CCR3: variants seen among roughly 807,000 people sequenced by gnomAD.
The protein encoded by CCR3 is C-C chemokine receptor type 3.
For missense variants in CCR3, 419 were observed against 437.5 expected (o/e 0.96, Z 0.38); for synonymous variants, 203 against 179.2 (o/e 1.13, Z -1.06).
intron 1 of CCR3, chr3:46,264,710 C>T: frequency 2.3e-6 from 1 of 437,046 alleles, no homozygotes; most frequent in East Asian, 4.6e-5. Context: ...TATTATTATA[C>T]ATATTTTGCT....
At chr3:46,232,238 A>G (rs1699972898) in intron 2 of CCR3, among the ~76,000 whole-genome samples, 1 of 152,240 alleles carries the variant, frequency 6.6e-6, no homozygotes, top group Admixed American at 6.5e-5. Flanking sequence ...AATGCCCTGA[A>G]GGAATATGTT....
chr3:46,219,502 C>A (rs1699811149), intron 2 of CCR3, among the ~76,000 whole-genome samples: 1 of 151,990 alleles, frequency 6.6e-6, no homozygotes, highest in Admixed American at 6.6e-5. Flanking sequence ...TCATATGGAA[C>A]CAAAAAAGAG....
At chr3:46,262,528 A>C (rs146726096) in intron 1 of CCR3, among the ~76,000 whole-genome samples, 1 of 152,226 alleles carries the variant, frequency 6.6e-6, no homozygotes, top group African/African-American at 2.4e-5. Context: ...TCCAAAATGT[A>C]AAAGGCCATT....
rs139933770 is a variant in CCR3 at position 46,258,291 on chromosome 3, G to A, written c.-11-6857G>A. Among the ~76,000 whole-genome samples, 788 of 152,296 alleles carry A rather than the reference G, an allele frequency of 5.2e-3. 6 individuals are homozygous for A. The highest frequency in any genetic ancestry group is 0.041 in the Middle Eastern group (12 of 294). On this transcript the variant is annotated intron_variant, in intron 1 of 1. Coordinates refer to ENST00000395940, the MANE Select transcript of CCR3 (RefSeq NM_178329.3). ...AATTTCCAAATAAAGATAATAGCAA[G>A]TAATAGTTCTTCTTAACACGATGCA...
At chr3:46,229,701 T>C (rs994104229) in intron 2 of CCR3, among the ~76,000 whole-genome samples, 3 of 152,186 alleles carry the variant, frequency 2.0e-5, no homozygotes, top group African/African-American at 7.2e-5. Context: ...GGACATTAAA[T>C]TGATGTAGTT....
intron 1 of CCR3, among the ~76,000 whole-genome samples, chr3:46,255,940 A>G (rs1468857568): frequency 2.0e-5 from 3 of 151,914 alleles, no homozygotes; most frequent in Admixed American, 1.3e-4. Context: ...GTGAAGAATA[A>G]TGGTGGTATT....
chr3:46,228,161 CT>C (rs35861033), intron 2 of CCR3, among the ~76,000 whole-genome samples: 9,118 of 145,838 alleles, frequency 0.063, 438 homozygotes, highest in South Asian at 0.25. Context: ...AGTTTGTGGT[CT>C]TTTTTTTTTT....
At chr3:46,259,117 T>G (rs1326464159) in intron 1 of CCR3, among the ~76,000 whole-genome samples, 2 of 152,240 alleles carry the variant, frequency 1.3e-5, no homozygotes, top group African/African-American at 4.8e-5. Context: ...GATGTTCATA[T>G]ACAAGCTGTT....
chr3:46,248,860 C>T (rs1700251370), intron 1 of CCR3, among the ~76,000 whole-genome samples: 1 of 152,042 alleles, frequency 6.6e-6, no homozygotes, highest in Non-Finnish European at 1.5e-5. Flanking sequence ...GGGTTTGGCC[C>T]CACGGGGTGG....
At chr3:46,211,471 G>T (rs1202828328) in intron 2 of CCR3, among the ~76,000 whole-genome samples, 1 of 151,754 alleles carries the variant, frequency 6.6e-6, no homozygotes, top group Non-Finnish European at 1.5e-5. Flanking sequence ...TGACCCTCTT[G>T]CCCCAGCCTC....
At chr3:46,258,967 A>G (rs546243998) in intron 1 of CCR3, among the ~76,000 whole-genome samples, 1 of 152,330 alleles carries the variant, frequency 6.6e-6, no homozygotes, top group East Asian at 1.9e-4. Context: ...TTCCTGATTC[A>G]ATGACATAGA....
At chr3:46,243,002 T>TATATATATATATATATATATACAC (rs56773457) in intron 1 of CCR3, among the ~76,000 whole-genome samples, 3 of 123,738 alleles carry the variant, frequency 2.4e-5, no homozygotes, top group African/African-American at 6.5e-5. Flanking sequence ...TATATATATA[T>TATATATATATATATATATATACAC]ACGCACACAC....
intron 2 of CCR3, among the ~76,000 whole-genome samples, chr3:46,220,460 A>G (rs1430771439): frequency 6.6e-6 from 1 of 152,248 alleles, no homozygotes; most frequent in Non-Finnish European, 1.5e-5. Flanking sequence ...TTAAAGAACC[A>G]AAAGTAGAAC....
At chr3:46,244,632 C>T (rs1700157940) in intron 1 of CCR3, among the ~76,000 whole-genome samples, 1 of 152,188 alleles carries the variant, frequency 6.6e-6, no homozygotes, top group African/African-American at 2.4e-5. Flanking sequence ...GGGACTTTCA[C>T]AAGGTAATGT....
Position 46,265,729 on chromosome 3 carries a change from A to G in CCR3, c.571A>G (p.Thr191Ala). The G allele has an allele frequency of 6.2e-7, 1 of 1,613,920 alleles. No individual in the cohort carries two copies. The highest frequency in any genetic ancestry group is 1.1e-5 in the South Asian group (1 of 91,070). Residue 191 changes from threonine to alanine, a missense_variant, in exon 2 of 2, where the codon ACA (threonine) becomes GCA (alanine). Thr to Ala is a moderately conservative substitution (Grantham distance 58). Coordinates refer to ENST00000395940, the MANE Select transcript of CCR3 (RefSeq NM_178329.3). ...TTGCAGTGCTCTTTACCCAGAGGAT[A>G]CAGTATATAGCTGGAGGCATTTCCA... ...TLCSALYPED[T>A]VYSWRHFHTL...
chr3:46,258,824 A>G (rs1007173566), intron 1 of CCR3, among the ~76,000 whole-genome samples: 2 of 152,168 alleles, frequency 1.3e-5, no homozygotes, highest in Non-Finnish European at 2.9e-5. Context: ...TAATACCAAG[A>G]GTCTGAAAAA....
intron 1 of CCR3, chr3:46,264,851 G>T: frequency 1.2e-5 from 5 of 411,672 alleles, no homozygotes; most frequent in African/African-American, 6.2e-5. Context: ...TTCCTGTTTT[G>T]TATTTCTTCC....
At chr3:46,251,199 AC>A (rs1464577390) in intron 1 of CCR3, among the ~76,000 whole-genome samples, 1 of 152,086 alleles carries the variant, frequency 6.6e-6, no homozygotes, top group Non-Finnish European at 1.5e-5. Flanking sequence ...GTGGTCTGAC[AC>A]CCTTGAAACG....
intron 2 of CCR3, among the ~76,000 whole-genome samples, chr3:46,215,616 C>T (rs1368792841): frequency 6.6e-6 from 1 of 152,172 alleles, no homozygotes; most frequent in Non-Finnish European, 1.5e-5. Context: ...GTGAGACACC[C>T]TGGTCTAGAG....
Sources: gnomAD v4.1 joint callset for allele counts (sites outside exome capture counted in the v4.1 genomes callset) on GRCh38, gnomAD v4.1.1 for gene constraint, MANE v1.5 for transcripts, NCBI Gene and HGNC (gene_info 2026-07-23, HGNC 2026-07-21) for gene names.